TCF20: variants seen among roughly 807,000 people sequenced by gnomAD.
TCF20 encodes transcription factor 20, also known as SPRE-binding protein.
TCF20 carries 3 observed loss-of-function variants against 148.6 expected under a neutral mutation model. The observed-to-expected ratio is 0.02, with a 90% CI of 0.01 to 0.05. The LOEUF (loss-of-function observed/expected upper bound fraction) is 0.05. Ranked by LOEUF, TCF20 falls within the 10% of genes least tolerant of loss-of-function variation. TCF20 has a pLI of 1.00. For synonymous variants in TCF20, 1,049 were observed against 909.5 expected, an observed-to-expected ratio of 1.15 and a Z score of -2.76; for missense variants, 2,350 against 2,429.3, an observed-to-expected ratio of 0.97 and a Z score of 0.69.
chr22:42,251,270 T>G lies in TCF20; in HGVS notation c.-37+19069A>C, dbSNP rs181188038. 3.3e-5 allele frequency among the ~76,000 whole-genome samples: 5 copies of G among 152,224 alleles called. No homozygotes were observed. The East Asian group carries it at 9.7e-4, about 29-fold the overall frequency. ...AGCGCCATCACAGCTCACTCCAACC[T>G]CTGCCTCCCAGACCCAAGAGATCCT... On this transcript the variant is annotated intron_variant, in intron 1 of 5. Transcript: ENST00000677622.
At chr22:42,221,169 G>C (rs568507559) in intron 1 of TCF20, among the ~76,000 whole-genome samples, 24 of 152,276 alleles carry the variant, frequency 1.6e-4, no homozygotes, top group African/African-American at 5.8e-4. Flanking sequence ...TAAACGTAGA[G>C]GTTGATGATA....
rs1033437265 is a variant in TCF20, at chr22:42,299,985, C to T, written c.-37+43494G>A. 6.6e-6 allele frequency among the ~76,000 whole-genome samples: 1 copy of T among 150,812 alleles called. No homozygotes were observed. Among genetic ancestry groups the T allele is most frequent in the African/African-American group, 2.4e-5 (1 of 40,900 alleles). ...GCGGGGAGGGGGAGGGGGAGGGGCGCGCTGAAATCACCCGCAACATCAAAG... is the reference window on the plus strand; with the variant it reads ...GCGGGGAGGGGGAGGGGGAGGGGCGTGCTGAAATCACCCGCAACATCAAAG... On this transcript the variant is annotated intron_variant, in intron 1 of 1. Transcript: ENST00000515426. This position sits in a 1 kb window ranked among gnomAD's most constrained non-coding sequence, Gnocchi z 4.1.
At chr22:42,243,448 T>C (rs1489191996) in intron 1 of TCF20, among the ~76,000 whole-genome samples, 1 of 150,828 alleles carries the variant, frequency 6.6e-6, no homozygotes, top group Non-Finnish European at 1.5e-5. Flanking sequence ...ACTAAAAATA[T>C]AAAAATTAGC....
chr22:42,179,649 G>T lies in TCF20; in HGVS notation c.5709C>A (p.Gly1903=), dbSNP rs766827987. ...ACGGGTAATGGTATCGGAAGGAGCA[G>T]CCTTTGTTGTAGCAGCCCAAGGTGG... is the stretch of plus-strand genomic sequence containing the variant. ...AGATLGCYNK[G]CSFRYHYPCA... The change falls in exon 3 of 6, where the codon GGC becomes GGA. Residue 1903 remains glycine, a synonymous_variant. Transcript: ENST00000677622. 10 of 1,614,076 alleles carry T rather than the reference G, an allele frequency of 6.2e-6. No homozygotes were observed. The South Asian group carries it at 1.1e-4, about 18-fold the overall frequency.
intron 1 of TCF20, among the ~76,000 whole-genome samples, chr22:42,222,028 G>C (rs151030711): frequency 3.3e-5 from 5 of 152,040 alleles, no homozygotes; most frequent in African/African-American, 1.2e-4. Flanking sequence ...ATGAGCCACC[G>C]CGCCCGGCCC....
intron 1 of TCF20, among the ~76,000 whole-genome samples, chr22:42,332,745 G>A (rs1412550297): frequency 6.6e-6 from 1 of 152,256 alleles, no homozygotes; most frequent in African/African-American, 2.4e-5. Context: ...TGGGATTACA[G>A]GCATGAGCCA....
rs1307637964 is a variant in TCF20, at chr22:42,211,861, C to A, written c.3445G>T (p.Val1149Leu). The A allele has an allele frequency of 6.2e-7, 1 of 1,614,222 alleles. No individual in the cohort carries two copies. Among genetic ancestry groups the A allele is most frequent in the East Asian group, 2.2e-5 (1 of 44,882 alleles). ...GCACTGGGGTCATGGTAAGTCCCCACTGGTGGGCCATACATCATACCATCT... is the reference window on the plus strand; with the variant it reads ...GCACTGGGGTCATGGTAAGTCCCCAATGGTGGGCCATACATCATACCATCT... ...DKDGMMYGPP[V>L]GTYHDPSAQE... is the part of the protein sequence containing the mutation. The change falls in exon 2 of 6, where the codon GTG (valine) becomes TTG (leucine). Residue 1149 changes from valine (V) to leucine (L), a missense_variant. This residue lies in a region of TCF20 where 1,641 missense variants were observed against 1,662.6 expected (regional missense o/e 0.99). Transcript: ENST00000677622.
intron 1 of TCF20, among the ~76,000 whole-genome samples, chr22:42,311,135 C>T (rs970050685): frequency 1.3e-5 from 2 of 152,208 alleles, no homozygotes; most frequent in Admixed American, 1.3e-4. Context: ...TCCCAAACTG[C>T]GGCTCACACA....
intron 1 of TCF20, among the ~76,000 whole-genome samples, chr22:42,294,505 G>T (rs9623553): frequency 6.6e-6 from 1 of 152,158 alleles, no homozygotes; most frequent in East Asian, 1.9e-4. Context: ...AGTGCTCCCA[G>T]GCGAGCAGGT....
chr22:42,247,238 G>A (rs1458323959), intron 1 of TCF20, among the ~76,000 whole-genome samples: 11 of 151,796 alleles, frequency 7.2e-5, no homozygotes, highest in African/African-American at 2.7e-4. Context: ...TCAGGAGTTA[G>A]AGACCAGCCT....
chr22:42,201,767 C>CAA lies in TCF20; in HGVS notation c.5655+7882_5655+7883dup, dbSNP rs150870558. On this transcript the variant is annotated intron_variant, in intron 2 of 5. Coordinates refer to ENST00000677622, the MANE Select transcript of TCF20 (RefSeq NM_001378418.1). ...TGGGGGATAGAGGAAGACTCAGTCT[C>CAA]AAAAAAAAAACAAAACCAAACCAAA... Among the ~76,000 whole-genome samples the CAA allele has an allele frequency of 5.6e-5, 8 of 143,556 alleles. 1 individual carries two copies. The highest frequency in any genetic ancestry group is 2.0e-4 in the African/African-American group (8 of 39,160). 94.2% of individuals were successfully genotyped at this position (143,556 alleles called of 152,430 possible).
chr22:42,166,549 C>A (rs1935798365), intron 5 of TCF20, among the ~76,000 whole-genome samples: 1 of 148,032 alleles, frequency 6.8e-6, no homozygotes, highest in African/African-American at 2.5e-5. Context: ...ATGGAGGTTG[C>A]AGTGAGCCGA....
intron 3 of TCF20, among the ~76,000 whole-genome samples, chr22:42,170,626 C>CAAAAAAAAAAAAAAAAAAA (rs58579686): frequency 1.9e-4 from 14 of 72,104 alleles, no homozygotes; most frequent in African/African-American, 4.9e-4. Flanking sequence ...GACTCCGTCT[C>CAAAAAAAAAAAAAAAAAAA]AAAAAAAAAA....
Position 42,323,874 on chromosome 22 carries a change from GGTGGTGGT to G in TCF20, c.-37+19597_-37+19604del, listed in dbSNP as rs1927785666. The stretch of plus-strand genomic sequence containing the variant: ...TGATGGAGGTTATGGTGGTGGTGGT[GGTGGTGGT>G]GATGGAGGTTATGGTGGTGGAGGTG... On this transcript the variant is annotated intron_variant, in intron 1 of 1. Transcript: ENST00000515426. 3.7e-5 allele frequency among the ~76,000 whole-genome samples: 5 copies of G among 134,228 alleles called. 1 individual carries two copies. Among genetic ancestry groups the G allele is most frequent in the Non-Finnish European group, 8.5e-5 (5 of 58,688 alleles). 88.1% of individuals were successfully genotyped at this position (134,228 alleles called of 152,430 possible). A position where few individuals can be genotyped will look rare whatever the true frequency, so the allele number is the denominator to read the frequency against.
intron 1 of TCF20, among the ~76,000 whole-genome samples, chr22:42,253,552 G>C (rs1204581896): frequency 6.6e-6 from 1 of 151,858 alleles, no homozygotes; most frequent in Non-Finnish European, 1.5e-5. Flanking sequence ...TTAAATATAG[G>C]CGTATGAAAA....
intron 1 of TCF20, among the ~76,000 whole-genome samples, chr22:42,252,143 C>T (rs1925424927): frequency 6.6e-6 from 1 of 151,342 alleles, no homozygotes; most frequent in Non-Finnish European, 1.5e-5. Flanking sequence ...AAAAATTAGC[C>T]GGGTGTGGTG....
chr22:42,328,106 G>T (rs1279759403), intron 1 of TCF20, among the ~76,000 whole-genome samples: 1 of 152,068 alleles, frequency 6.6e-6, no homozygotes, highest in Middle Eastern at 3.2e-3. Flanking sequence ...TTGGGTCAGG[G>T]CTTGTCTTCT....
intron 1 of TCF20, among the ~76,000 whole-genome samples, chr22:42,229,317 A>T (rs1432708977): frequency 6.6e-6 from 1 of 152,172 alleles, no homozygotes; most frequent in Non-Finnish European, 1.5e-5. Context: ...AGCACAGAAT[A>T]AAAAAGGGAA....
chr22:42,172,978 A>C (rs1936218122), intron 3 of TCF20, among the ~76,000 whole-genome samples: 1 of 152,192 alleles, frequency 6.6e-6, no homozygotes, highest in African/African-American at 2.4e-5. Flanking sequence ...GGGAGGAGTC[A>C]GACTACTGGC....
Sources: allele counts gnomAD v4.1 joint callset (sites outside exome capture counted in the v4.1 genomes callset), GRCh38; gene constraint gnomAD v4.1.1; regional missense constraint gnomAD v4.1.1; non-coding constraint Gnocchi (gnomAD v3.1); transcripts MANE v1.5; gene names NCBI Gene and HGNC (gene_info 2026-07-23, HGNC 2026-07-21).